ZNF185: variants seen among roughly 807,000 people sequenced by gnomAD.
ZNF185 encodes the protein zinc finger protein 185 with LIM domain, also known as zinc finger protein 185.
A neutral mutation model predicts 58.6 loss-of-function variants in ZNF185; 56 were observed. The ratio of observed to expected loss-of-function variants is 0.95; its 90% CI spans 0.77 to 1.19. ZNF185 has a LOEUF of 1.19. Ranked by LOEUF, ZNF185 falls within the 50% of genes most tolerant of loss-of-function variation. The probability of loss-of-function intolerance (pLI) is 0.00; values close to 1 mark genes in which losing one functional copy is unlikely to be tolerated. For missense variants in ZNF185, 627 were observed against 573.5 expected (o/e 1.09, Z -0.95); for synonymous variants, 230 against 215.9 (o/e 1.07, Z -0.57).
In ZNF185 at chrX:152,936,408, T is replaced by A; in HGVS notation, c.1122-1666T>A. On this transcript the variant is annotated intron_variant, in intron 14 of 22. Transcript: ENST00000449285. Reference sequence around the variant, plus strand: ...CCTGAACCTGGACCAGGTCTGGCCTTCTTTCACAGGCTGTGTGCAGCTGCT... The same window carrying A: ...CCTGAACCTGGACCAGGTCTGGCCTACTTTCACAGGCTGTGTGCAGCTGCT... 8.6e-7 allele frequency: 1 copy of A among 1,164,814 alleles called. No individual in the cohort carries two copies. Among genetic ancestry groups the A allele is most frequent in the South Asian group, 1.9e-5 (1 of 52,654 alleles).
At chrX:152,953,206 G>A (rs190374794) in intron 16 of ZNF185, among the ~76,000 whole-genome samples, 3 of 111,635 alleles carry the variant, frequency 2.7e-5, no homozygotes, top group African/African-American at 6.5e-5. Flanking sequence ...TATCCAGGAC[G>A]ATTCTGGCTA....
intron 15 of ZNF185, among the ~76,000 whole-genome samples, chrX:152,943,365 T>C (rs1223715101): frequency 2.7e-5 from 3 of 112,283 alleles, no homozygotes; most frequent in African/African-American, 9.7e-5. Context: ...ACAGTGGCTG[T>C]ATTAGGCTAC....
At chrX:152,906,737 C>CA in the ZNF185 span, among the ~76,000 whole-genome samples, 3 of 111,264 alleles carry the variant, frequency 2.7e-5, no homozygotes, top group Non-Finnish European at 5.7e-5. Context: ...GGATGCAAAG[C>CA]ATCCCAATTC....
At chrX:152,958,712 A>G (rs1311589368) in intron 16 of ZNF185, among the ~76,000 whole-genome samples, 1 of 108,147 alleles carries the variant, frequency 9.2e-6, no homozygotes, top group Non-Finnish European at 1.9e-5. Context: ...AGCCTGGGCG[A>G]CAGACCGAAA....
At position 152,950,221 on chromosome X, in the gene ZNF185, A is replaced by G. The variant is rs782266411; in HGVS notation, c.1409+4757A>G. On this transcript the variant is annotated intron_variant, in intron 16 of 22. Coordinates refer to ENST00000449285, the Ensembl canonical transcript of ZNF185. Reference sequence around the variant, plus strand: ...GCAATGATCCTTTTATATAAGGGAAAGCTTCAAGCCAGTGAGAAAAACATA... The same window carrying G: ...GCAATGATCCTTTTATATAAGGGAAGGCTTCAAGCCAGTGAGAAAAACATA... Among the ~76,000 whole-genome samples, 406 of 112,390 alleles carry G rather than the reference A, an allele frequency of 3.6e-3. 1 individual carries two copies. The highest frequency in any genetic ancestry group is 0.012 in the African/African-American group (386 of 30,963).
chrX:152,919,090 A>G lies in ZNF185; in HGVS notation c.530+9A>G. 8.4e-7 allele frequency: 1 copy of G among 1,191,107 alleles called. No individual in the cohort carries two copies. The highest frequency in any genetic ancestry group is 1.1e-6 in the Non-Finnish European group (1 of 877,954). The stretch of plus-strand genomic sequence containing the variant: ...GATGAACAGAAACGGAGGTAATGGA[A>G]TGGTGCCTTTTGGGCATCCCGGGGG... On this transcript the variant is annotated intron_variant, in intron 7 of 22. Transcript: ENST00000449285.
chrX:152,967,205 A>C, exon 20 of ZNF185: 2 of 1,211,608 alleles, frequency 1.7e-6, no homozygotes, highest in Non-Finnish European at 2.2e-6. Context: ...ATGGAGAAGA[A>C]GCCTCCATGT....
chrX:152,908,797 G>A, the ZNF185 span, among the ~76,000 whole-genome samples: 1 of 113,295 alleles, frequency 8.8e-6, no homozygotes, highest in African/African-American at 3.2e-5. Flanking sequence ...GGCCAGACAC[G>A]GGCCCACTCC....
intron 15 of ZNF185, among the ~76,000 whole-genome samples, chrX:152,941,137 T>C (rs1412896648): frequency 8.9e-6 from 1 of 111,926 alleles, no homozygotes; most frequent in Admixed American, 9.4e-5. Context: ...TTTTCTGGGG[T>C]GGGTCTCCAT....
Position 152,929,700 on chromosome X carries a change from G to T in ZNF185, c.917+1039G>T, listed in dbSNP as rs190950172. Among the ~76,000 whole-genome samples, 488 of 112,490 alleles carry T rather than the reference G, an allele frequency of 4.3e-3. 4 individuals are homozygous for T. The highest frequency in any genetic ancestry group is 0.014 in the African/African-American group (448 of 31,008). ...GCTACTCACCCAGTTGTCTGCGACC[G>T]TTTCCTACTGTCCCATCCCTGGACT... On this transcript the variant is annotated intron_variant, in intron 12 of 22. Transcript: ENST00000449285.
At chrX:152,938,336 A>G (rs990884169) in intron 15 of ZNF185, among the ~76,000 whole-genome samples, 173 bp downstream of exon 17, 4 of 112,513 alleles carry the variant, frequency 3.6e-5, no homozygotes, top group African/African-American at 1.3e-4. Flanking sequence ...GGGGCCAGGG[A>G]GCTTTCCACT....
chrX:152,964,186 T>C (rs782690421), intron 18 of ZNF185, among the ~76,000 whole-genome samples: 2 of 112,839 alleles, frequency 1.8e-5, no homozygotes, highest in Non-Finnish European at 3.7e-5. Context: ...GCTGCAGTGG[T>C]ACTTCCTAGT....
At chrX:152,917,753 C>A in intron 5 of ZNF185, 1 of 945,986 alleles carries the variant, frequency 1.1e-6, no homozygotes, top group Non-Finnish European at 1.4e-6. Context: ...GCTGAAGTTG[C>A]ATGCAATTCA....
intron 16 of ZNF185, among the ~76,000 whole-genome samples, chrX:152,954,770 C>A (rs2048650983): frequency 8.9e-6 from 1 of 112,152 alleles, no homozygotes; most frequent in African/African-American, 3.2e-5. Context: ...AAATGTAACA[C>A]CTATGAGACA....
chrX:152,911,890 T>TCATCC (rs1202938950), upstream of ZNF185, among the ~76,000 whole-genome samples: 2 of 47,933 alleles, frequency 4.2e-5, no homozygotes, highest in African/African-American at 1.8e-4. Flanking sequence ...CCCATCCCAT[T>TCATCC]CATCCCATCC....
At chrX:152,907,630 G>A in the ZNF185 span, among the ~76,000 whole-genome samples, 2 of 113,213 alleles carry the variant, frequency 1.8e-5, no homozygotes, top group African/African-American at 3.2e-5. Flanking sequence ...TGGTGTCTGA[G>A]GTGGCCTGGC....
chrX:152,918,395 AGCTTGTAGGAGGG>A (rs1169792135), intron 6 of ZNF185, among the ~76,000 whole-genome samples: 1 of 112,822 alleles, frequency 8.9e-6, no homozygotes, highest in Non-Finnish European at 1.9e-5. Context: ...GACCGCAGGA[AGCTTGTAGGAGGG>A]GCCCCACGGA....
intron 17 of ZNF185, among the ~76,000 whole-genome samples, chrX:152,961,527 T>A (rs1008811669): frequency 9.0e-6 from 1 of 111,534 alleles, no homozygotes; most frequent in African/African-American, 3.3e-5. Context: ...AGAGATTTTT[T>A]TTTCCCAAAG....
chrX:152,941,881 C>T, intron 15 of ZNF185: 1 of 1,086,505 alleles, frequency 9.2e-7, no homozygotes, highest in Non-Finnish European at 1.2e-6. Context: ...CGCGCGTGGA[C>T]CGTCGCCGGC....
Sources: gnomAD v4.1 joint callset for allele counts (sites outside exome capture counted in the v4.1 genomes callset) on GRCh38, gnomAD v4.1.1 for gene constraint, MANE v1.5 for transcripts, NCBI Gene and HGNC (gene_info 2026-07-23, HGNC 2026-07-21) for gene names.